ZFHX3: variants seen among roughly 807,000 people sequenced by gnomAD.
The protein encoded by ZFHX3 is zinc finger homeobox 3, also known as zinc finger homeobox protein 3.
ZFHX3 carries 42 observed loss-of-function variants against 279.1 expected under a neutral mutation model. That is an observed-to-expected ratio of 0.15 (90% CI 0.12 to 0.19). The LOEUF is 0.19. Among genes scored for constraint, ZFHX3 ranks in the 10% least tolerant of loss-of-function variants. ZFHX3 has a pLI of 1.00. For synonymous variants in ZFHX3, 2,293 were observed against 1,957.8 expected (o/e 1.17, Z -4.52); for missense variants, 4,981 against 4,754.0 (o/e 1.05, Z -1.40).
intron 3 of ZFHX3, among the ~76,000 whole-genome samples, chr16:73,356,058 C>G (rs1007014278): frequency 6.6e-6 from 1 of 152,062 alleles, no homozygotes; most frequent in Non-Finnish European, 1.5e-5. Context: ...CCTAAGTTTC[C>G]GAAATAACAT....
intron 4 of ZFHX3, among the ~76,000 whole-genome samples, chr16:72,881,838 G>A (rs901122086): frequency 1.3e-5 from 2 of 152,184 alleles, no homozygotes; most frequent in Non-Finnish European, 2.9e-5. Context: ...CCAACTCCCA[G>A]CCCAGCACAA....
intron 4 of ZFHX3, among the ~76,000 whole-genome samples, chr16:73,313,387 A>G (rs1471254341): frequency 6.6e-6 from 1 of 152,230 alleles, no homozygotes; most frequent in South Asian, 2.1e-4. Context: ...AATAGTCATC[A>G]TCATCACAAC....
At chr16:73,511,103 TG>T (rs1224572322) in intron 2 of ZFHX3, among the ~76,000 whole-genome samples, 18 of 152,346 alleles carry the variant, frequency 1.2e-4, no homozygotes, top group African/African-American at 4.1e-4. Flanking sequence ...CATGGTCACC[TG>T]TAAGTTGGCT....
At chr16:73,684,695 C>CTTTTTT (rs201167110) in intron 1 of ZFHX3, among the ~76,000 whole-genome samples, 3 of 137,494 alleles carry the variant, frequency 2.2e-5, no homozygotes, top group African/African-American at 2.9e-5. Context: ...CACAAGGGTC[C>CTTTTTT]TTTTTTTTTT....
intron 2 of ZFHX3, among the ~76,000 whole-genome samples, chr16:73,530,334 A>G (rs916321114): frequency 6.6e-6 from 1 of 152,192 alleles, no homozygotes; most frequent in African/African-American, 2.4e-5. Flanking sequence ...ACAGCTCAAG[A>G]TGAGATTTGG....
rs538263433 is a variant in ZFHX3, at chr16:73,756,606, G to A, written c.-1607-76366C>T. On this transcript the variant is annotated intron_variant, in intron 1 of 17. Coordinates refer to the ZFHX3 transcript ENST00000641206. ...GGCCTCTGACCAGGTGCAACCCCTC[G>A]GCTGCACAATTAGGTTAGCTGAATC... Among the ~76,000 whole-genome samples, 6 of 152,192 alleles carry A rather than the reference G, an allele frequency of 3.9e-5. No homozygotes were observed. The East Asian group carries it at 5.8e-4, about 15-fold the overall frequency.
intron 2 of ZFHX3, among the ~76,000 whole-genome samples, chr16:73,655,914 T>C (rs989623683): frequency 4.6e-5 from 7 of 152,346 alleles, no homozygotes; most frequent in African/African-American, 1.2e-4. Context: ...AAAATACTTA[T>C]GCAATAATGT....
intron 2 of ZFHX3, among the ~76,000 whole-genome samples, chr16:73,572,179 A>AG (rs1398356590): frequency 6.6e-6 from 1 of 151,852 alleles, no homozygotes; most frequent in Non-Finnish European, 1.5e-5. Flanking sequence ...AAAAAAAAAA[A>AG]AAAAAAACTT....
At chr16:73,441,892 A>G (rs188355498) in intron 3 of ZFHX3, among the ~76,000 whole-genome samples, 6 of 152,366 alleles carry the variant, frequency 3.9e-5, no homozygotes, top group Admixed American at 3.9e-4. Flanking sequence ...AAGCACAAAT[A>G]CAAAAAGCCT....
At chr16:73,316,006 G>A (rs1298443840) in intron 4 of ZFHX3, among the ~76,000 whole-genome samples, 7 of 152,178 alleles carry the variant, frequency 4.6e-5, no homozygotes, top group Non-Finnish European at 7.3e-5. Flanking sequence ...ACCTCTTAGT[G>A]GGGGTTGGAA....
chr16:73,106,892 C>T (rs1167108896), intron 7 of ZFHX3, among the ~76,000 whole-genome samples: 1 of 152,136 alleles, frequency 6.6e-6, no homozygotes, highest in African/African-American at 2.4e-5. Context: ...CAAATGGGTC[C>T]GGACACTGCT....
At chr16:73,569,878 T>C (rs2051716470) in intron 2 of ZFHX3, among the ~76,000 whole-genome samples, 1 of 152,048 alleles carries the variant, frequency 6.6e-6, no homozygotes, top group Admixed American at 6.6e-5. Flanking sequence ...ATTTGGAAAG[T>C]AAAAGAACAA....
At chr16:73,066,471 G>T (rs1965755084) in intron 8 of ZFHX3, among the ~76,000 whole-genome samples, 1 of 152,300 alleles carries the variant, frequency 6.6e-6, no homozygotes, top group South Asian at 2.1e-4. Flanking sequence ...GGAAGCCTCG[G>T]GCCCTCCGGC....
At chr16:73,376,275 C>G (rs930045662) in intron 3 of ZFHX3, among the ~76,000 whole-genome samples, 4 of 152,134 alleles carry the variant, frequency 2.6e-5, no homozygotes, top group African/African-American at 9.7e-5. Flanking sequence ...TGCTGAAGTA[C>G]AGTTTTAAAT....
intron 8 of ZFHX3, among the ~76,000 whole-genome samples, chr16:73,072,271 G>A (rs1567657328): frequency 2.0e-5 from 3 of 151,990 alleles, no homozygotes; most frequent in Non-Finnish European, 2.9e-5. Flanking sequence ...ACAGTGAAAC[G>A]CCATTGCTAC....
At chr16:72,876,984 A>C (rs1280240055) in intron 4 of ZFHX3, among the ~76,000 whole-genome samples, 3 of 152,334 alleles carry the variant, frequency 2.0e-5, no homozygotes, top group East Asian at 3.9e-4. Context: ...AAAAAGAATC[A>C]CTATTTCCCA....
chr16:73,173,610 C>T (rs1221998216), intron 5 of ZFHX3, among the ~76,000 whole-genome samples: 2 of 152,140 alleles, frequency 1.3e-5, no homozygotes, highest in Non-Finnish European at 2.9e-5. Flanking sequence ...GTCAGGACCC[C>T]TGTTCCCTAT....
rs572738915 is a variant in ZFHX3 at position 73,857,292 on chromosome 16, C to G, written c.-1608+34359G>C. Among the ~76,000 whole-genome samples, 7 of 152,234 alleles carry G rather than the reference C, an allele frequency of 4.6e-5. No individual in the cohort carries two copies. The East Asian group carries it at 1.4e-3, about 29-fold the overall frequency. On this transcript the variant is annotated intron_variant, in intron 1 of 17. Coordinates refer to the ZFHX3 transcript ENST00000641206. ...TTTTAAAATGCAATATACTGAAACC[C>G]AAAATGTGCTGTATTACAGTTTGGA...
intron 3 of ZFHX3, among the ~76,000 whole-genome samples, chr16:73,366,463 G>A (rs1269620344): frequency 6.6e-6 from 1 of 152,078 alleles, no homozygotes; most frequent in Non-Finnish European, 1.5e-5. Flanking sequence ...TGGGCATGGT[G>A]GTTCACACTG....
Sources: gnomAD v4.1 joint callset for allele counts (sites outside exome capture counted in the v4.1 genomes callset) on GRCh38, gnomAD v4.1.1 for gene constraint, MANE v1.5 for transcripts, NCBI Gene and HGNC (gene_info 2026-07-23, HGNC 2026-07-21) for gene names.